The following R3HDM2 variants were observed in gnomAD, a reference collection of about 807,000 sequenced individuals.
The protein encoded by R3HDM2 is R3H domain containing 2, also known as R3H domain-containing protein 2.
A neutral mutation model predicts 124.5 loss-of-function variants in R3HDM2; 38 were observed. The observed-to-expected ratio is 0.31, with a 90% CI of 0.24 to 0.40. R3HDM2 has a LOEUF of 0.40. Among genes scored for constraint, R3HDM2 ranks in the 10% least tolerant of loss-of-function variants. R3HDM2 has a pLI of 1.00. For synonymous variants in R3HDM2, 391 were observed against 448.0 expected, an observed-to-expected ratio of 0.87 and a Z score of 1.61; for missense variants, 869 against 1,236.9, an observed-to-expected ratio of 0.70 and a Z score of 4.46.
At chr12:57,324,215 C>T (rs1255934087) in intron 2 of R3HDM2, among the ~76,000 whole-genome samples, 1 of 152,162 alleles carries the variant, frequency 6.6e-6, no homozygotes, top group Non-Finnish European at 1.5e-5. Context: ...TGGAGTTTCA[C>T]TCTTGTTGCC....
In R3HDM2 at chr12:57,296,596, T is replaced by G. The variant is rs1419824783; in HGVS notation, c.561-45A>C. 1.5e-5 allele frequency: 23 copies of G among 1,530,038 alleles called. No homozygotes were observed. Among genetic ancestry groups the G allele is most frequent in the Non-Finnish European group, 1.9e-5 (22 of 1,132,928 alleles). The allele number at this position is 1,530,038 out of a possible 1,614,324, so 94.8% of individuals were successfully genotyped here. A position where few individuals can be genotyped will look rare whatever the true frequency, so the allele number is the denominator to read the frequency against. ...AAAAAAGTGAAATAAGACAAACAACTGCAATAACAACCAATTTTAATTTTT... is the reference window on the plus strand; with the variant it reads ...AAAAAAGTGAAATAAGACAAACAACGGCAATAACAACCAATTTTAATTTTT... On this transcript the variant is annotated intron_variant, in intron 8 of 23. Transcript: ENST00000402412. This position sits in a 1 kb window ranked among gnomAD's most constrained non-coding sequence, Gnocchi z 4.5.
At chr12:57,351,519 A>C (rs539865783) in intron 2 of R3HDM2, among the ~76,000 whole-genome samples, 101 of 152,250 alleles carry the variant, frequency 6.6e-4, no homozygotes, top group Non-Finnish European at 1.3e-3. Context: ...GAATTCATAA[A>C]GAAAATGTCA....
intron 1 of R3HDM2, among the ~76,000 whole-genome samples, chr12:57,398,040 G>A (rs1435391871): frequency 3.3e-5 from 5 of 151,760 alleles, no homozygotes; most frequent in African/African-American, 1.2e-4. Flanking sequence ...AAATTAGCTG[G>A]GCATGGTGGT....
chr12:57,258,542 A>T (rs60784549), intron 20 of R3HDM2, among the ~76,000 whole-genome samples: 1,744 of 151,904 alleles, frequency 0.011, 32 homozygotes, highest in African/African-American at 0.04. Flanking sequence ...ACGGGGTATC[A>T]CCACGTTGGT....
At position 57,310,407 on chromosome 12, in the gene R3HDM2, G is replaced by C. The variant is rs1376062593; in HGVS notation, c.22C>G (p.Gln8Glu). The C allele has an allele frequency of 1.3e-6, 2 of 1,544,866 alleles. No individual in the cohort carries two copies. Among genetic ancestry groups the C allele is most frequent in the East Asian group, 4.9e-5 (2 of 40,820 alleles). Reference protein sequence around the residue: MSNSNTTQETLEIMKESE... With the variant: MSNSNTTEETLEIMKESE... ...TCTTTCATTATTTCCAGGGTCTCTT[G>C]AGTAGTGTTACTGTTAGACATGTTC... Residue 8 changes from glutamine to glutamate, a missense_variant, in exon 3 of 24, where the codon CAA becomes GAA. Physicochemically the swap from Gln to Glu is conservative, Grantham distance 29. Transcript: ENST00000402412.
At chr12:57,387,325 C>G (rs1439318384) in intron 2 of R3HDM2, among the ~76,000 whole-genome samples, 1 of 152,054 alleles carries the variant, frequency 6.6e-6, no homozygotes, top group Non-Finnish European at 1.5e-5. Flanking sequence ...ACTCCTGAAG[C>G]CAGCGAGACC....
chr12:57,371,083 C>CTTTTTT lies in R3HDM2; in HGVS notation c.-36+24660_-36+24665dup, dbSNP rs775839017. Among the ~76,000 whole-genome samples, 348 of 40,896 alleles carry CTTTTTT rather than the reference C, an allele frequency of 8.5e-3. 77 individuals are homozygous for CTTTTTT. Among genetic ancestry groups the CTTTTTT allele is most frequent in the East Asian group, 0.071 (71 of 1,002 alleles). The allele number at this position is 40,896 out of a possible 152,430, so 26.8% of individuals were successfully genotyped here. A position where few individuals can be genotyped will look rare whatever the true frequency, so the allele number is the denominator to read the frequency against. Reference sequence around the variant, plus strand: ...AATGGGAACCAAATATATACCATTACTTTTTTTTTTTTTTTTTTTTTTTTT... The same window carrying CTTTTTT: ...AATGGGAACCAAATATATACCATTACTTTTTTTTTTTTTTTTTTTTTTTTTTTTTTT... On this transcript the variant is annotated intron_variant, in intron 2 of 23. Transcript: ENST00000402412.
chr12:57,285,266 A>G (rs2047068188), intron 12 of R3HDM2, among the ~76,000 whole-genome samples: 1 of 152,144 alleles, frequency 6.6e-6, no homozygotes, highest in East Asian at 1.9e-4. Context: ...TAAAGAAAAC[A>G]CCTTTCTTTA....
rs1566375794 is a variant in R3HDM2, at chr12:57,370,583, T to G, written c.-36+25166A>C. ...TGAACCCGGGAGGTGGAGGTTGCGG[T>G]GAGCCAAGATCGCGCCATTGCACTC... On this transcript the variant is annotated intron_variant, in intron 2 of 23. Coordinates refer to ENST00000402412, the MANE Select transcript of R3HDM2 (RefSeq NM_001394031.1). 2.6e-5 allele frequency among the ~76,000 whole-genome samples: 4 copies of G among 152,160 alleles called. No homozygotes were observed. The East Asian group carries it at 5.8e-4, about 22-fold the overall frequency.
At chr12:57,326,789 T>G (rs2057363937) in intron 2 of R3HDM2, among the ~76,000 whole-genome samples, 1 of 152,210 alleles carries the variant, frequency 6.6e-6, no homozygotes. Flanking sequence ...GATTCTCTTG[T>G]TAGGGTCTAA....
intron 12 of R3HDM2, among the ~76,000 whole-genome samples, chr12:57,286,117 G>A (rs1318973845): frequency 1.3e-5 from 2 of 152,172 alleles, no homozygotes; most frequent in African/African-American, 4.8e-5. Context: ...ACTGGATCGG[G>A]TTGTGTGTAT....
At chr12:57,430,407 G>A in intron 1 of R3HDM2, 7 of 519,708 alleles carry the variant, frequency 1.3e-5, no homozygotes, top group Non-Finnish European at 1.7e-5. Flanking sequence ...AGAAACACAC[G>A]GAGCTAGCCA....
At chr12:57,330,945 G>C (rs1285213688) in intron 2 of R3HDM2, among the ~76,000 whole-genome samples, 1 of 151,466 alleles carries the variant, frequency 6.6e-6, no homozygotes, top group Non-Finnish European at 1.5e-5. Context: ...TGATCTGCCC[G>C]CCTCGGCCTC....
intron 10 of R3HDM2, among the ~76,000 whole-genome samples, chr12:57,293,780 C>T (rs555140415): frequency 6.6e-6 from 1 of 152,304 alleles, no homozygotes; most frequent in African/African-American, 2.4e-5. Context: ...CTGATCTTTA[C>T]CAATCTCCAA....
intron 1 of R3HDM2, chr12:57,418,234 A>G (rs1271328822): frequency 1.0e-6 from 1 of 985,148 alleles, no homozygotes; most frequent in Non-Finnish European, 1.2e-6. Context: ...CATTTAAACA[A>G]TCTCCAAATT....
At chr12:57,314,743 A>G (rs2054664334) in intron 2 of R3HDM2, among the ~76,000 whole-genome samples, 1 of 152,200 alleles carries the variant, frequency 6.6e-6, no homozygotes, top group Non-Finnish European at 1.5e-5. Flanking sequence ...CAAAAAATTA[A>G]GTTTACATCT....
intron 2 of R3HDM2, among the ~76,000 whole-genome samples, chr12:57,349,496 C>G (rs1015684636): frequency 1.3e-5 from 2 of 150,972 alleles, no homozygotes; most frequent in Admixed American, 1.3e-4. Flanking sequence ...TTAATTCCAT[C>G]CATTCACCAT....
intron 2 of R3HDM2, among the ~76,000 whole-genome samples, chr12:57,372,408 C>T (rs1406769745): frequency 1.3e-5 from 2 of 151,638 alleles, no homozygotes; most frequent in African/African-American, 4.9e-5. Flanking sequence ...AGCCTTGGGG[C>T]GGGGGTGTGG....
At chr12:57,267,790 G>T (rs546246952) in intron 18 of R3HDM2, among the ~76,000 whole-genome samples, 4 of 152,096 alleles carry the variant, frequency 2.6e-5, no homozygotes, top group Admixed American at 1.3e-4. Context: ...AGCCCTAGCT[G>T]GAATTTCCTC....
Sources: gnomAD v4.1 joint callset for allele counts (sites outside exome capture counted in the v4.1 genomes callset) on GRCh38, gnomAD v4.1.1 for gene constraint, Gnocchi (gnomAD v3.1) non-coding constraint, MANE v1.5 for transcripts, NCBI Gene and HGNC (gene_info 2026-07-23, HGNC 2026-07-21) for gene names.